The following TMPRSS6 variants were observed in gnomAD, a reference collection of about 807,000 sequenced individuals.
TMPRSS6 encodes transmembrane protease serine 6.
Under a neutral mutation model 101.5 loss-of-function variants are expected in TMPRSS6, and 67 were observed. The observed-to-expected ratio is 0.66, with a 90% CI of 0.54 to 0.81. The LOEUF is 0.81. Among genes scored for constraint, TMPRSS6 ranks in the 30% least tolerant of loss-of-function variants. The pLI is 0.00. For missense variants in TMPRSS6, 1,034 were observed against 1,088.7 expected, an observed-to-expected ratio of 0.95 and a Z score of 0.71; for synonymous variants, 453 against 464.9, an observed-to-expected ratio of 0.97 and a Z score of 0.33.
chr22:37,072,233 TG>T (rs1927036066), intron 13 of TMPRSS6, among the ~76,000 whole-genome samples: 1 of 58,556 alleles, frequency 1.7e-5, no homozygotes, highest in African/African-American at 1.1e-4. Context: ...GATGGATGGA[TG>T]ATGGATGGAT....
intron 13 of TMPRSS6, among the ~76,000 whole-genome samples, chr22:37,073,327 A>G (rs1475833643): frequency 6.9e-6 from 1 of 144,768 alleles, no homozygotes; most frequent in South Asian, 2.3e-4. Context: ...CAATGGACAG[A>G]CGGTGATTGG....
In TMPRSS6 at chr22:37,089,736, C is replaced by T; in HGVS notation, c.678G>A (p.Leu226=). ...TGGAGGCCAGGTGGTCAGGCCCCTT[C>T]AGCCGGAGGACCTGGCCCTGGCCCA... ...SYVGQGQVLR[L]KGPDHLASSC... is the part of the protein sequence containing the mutation. Residue 226 remains leucine, a synonymous_variant, in exon 7 of 18, where the codon CTG becomes CTA. Transcript: ENST00000676104. 2 of 1,612,632 alleles carry T rather than the reference C, an allele frequency of 1.2e-6. No homozygotes were observed. Among genetic ancestry groups the T allele is most frequent in the South Asian group, 1.1e-5 (1 of 90,810 alleles).
intron 6 of TMPRSS6, among the ~76,000 whole-genome samples, chr22:37,093,886 G>A (rs531283627): frequency 6.6e-6 from 1 of 151,922 alleles, no homozygotes; most frequent in Admixed American, 6.6e-5. Flanking sequence ...AGCCAGGCAT[G>A]GTGGCAGGCA....
At chr22:37,090,633 T>C (rs566974868) in intron 6 of TMPRSS6, among the ~76,000 whole-genome samples, 1 of 152,350 alleles carries the variant, frequency 6.6e-6, no homozygotes, top group East Asian at 1.9e-4. Context: ...ATACTTTCAA[T>C]GATTGTGTCC....
At chr22:37,100,705 C>A (rs530715346) in intron 2 of TMPRSS6, among the ~76,000 whole-genome samples, 3 of 152,172 alleles carry the variant, frequency 2.0e-5, no homozygotes, top group Non-Finnish European at 4.4e-5. Context: ...GCTCTAGAGA[C>A]AAGCTCAAGG....
intron 7 of TMPRSS6, 32 bp downstream of exon 7, chr22:37,089,546 C>T (rs745861766): frequency 1.5e-6 from 2 of 1,306,250 alleles, no homozygotes; most frequent in Non-Finnish European, 1.1e-6. Flanking sequence ...CTTTTCCAGC[C>T]CTCCCTCCTG....
chr22:37,105,143 C>G (rs1178556120), intron 1 of TMPRSS6, among the ~76,000 whole-genome samples: 2 of 152,102 alleles, frequency 1.3e-5, no homozygotes, highest in Non-Finnish European at 2.9e-5. Context: ...CTGGCTCCCT[C>G]CAGCTCCCCT....
chr22:37,070,722 G>C, intron 14 of TMPRSS6, 70 bp from the exon 15 acceptor site: 1 of 1,534,998 alleles, frequency 6.5e-7, no homozygotes, highest in Non-Finnish European at 9.0e-7. Flanking sequence ...AGAGAGGAAG[G>C]GCAAAGGAAA....
chr22:37,103,474 T>C lies in TMPRSS6; in HGVS notation c.-1-56A>G. The C allele has an allele frequency of 1.2e-6, 2 of 1,614,238 alleles. No homozygotes were observed. The highest frequency in any genetic ancestry group is 1.7e-6 in the Non-Finnish European group (2 of 1,180,050). ...AGCCTCGCATTTGCAAGGGAGCCTC[T>C]GCTGAGCACCGGTGGGGCACGGAAG... On this transcript the variant is annotated intron_variant, in intron 1 of 17. Transcript: ENST00000676104. This position sits in a 1 kb window ranked among gnomAD's most constrained non-coding sequence, Gnocchi z 4.4.
In TMPRSS6 at chr22:37,098,427, C is replaced by T. The variant is rs371868086; in HGVS notation, c.325G>A (p.Ala109Thr). The change falls in exon 3 of 18, where the codon GCC (alanine) becomes ACC (threonine). Residue 109 changes from alanine to threonine, a missense_variant. Ala to Thr is a moderately conservative substitution (Grantham distance 58). Coordinates refer to ENST00000676104, the MANE Select transcript of TMPRSS6 (RefSeq NM_001374504.1). ...AGATCCTTTCCTACCATCTTCTGGGCTTTGGCGGTTTCACTGCGGAAGGCA... is the reference window on the plus strand; with the variant it reads ...AGATCCTTTCCTACCATCTTCTGGGTTTTGGCGGTTTCACTGCGGAAGGCA... ...SSAFRSETAK[A>T]QKMLKELITS... 6.2e-7 allele frequency: 1 copy of T among 1,613,860 alleles called. No individual in the cohort carries two copies. Among genetic ancestry groups the T allele is most frequent in the South Asian group, 1.1e-5 (1 of 91,062 alleles).
intron 7 of TMPRSS6, among the ~76,000 whole-genome samples, chr22:37,086,929 C>T (rs1437617422): frequency 6.6e-6 from 1 of 152,128 alleles, no homozygotes. Flanking sequence ...CTGGGAGGCT[C>T]GGAACAAATA....
intron 12 of TMPRSS6, 78 bp downstream of exon 12, chr22:37,074,532 A>G (rs1927433622): frequency 1.5e-6 from 2 of 1,366,670 alleles, no homozygotes; most frequent in Admixed American, 1.8e-5. Flanking sequence ...TGGGGTCTCC[A>G]CTCAGCTCAG....
chr22:37,087,102 C>T (rs938933810), intron 7 of TMPRSS6, among the ~76,000 whole-genome samples: 5 of 152,150 alleles, frequency 3.3e-5, no homozygotes, highest in Admixed American at 6.5e-5. Flanking sequence ...TCTGTGATGG[C>T]TGGTACCCTC....
chr22:37,089,888 C>T (rs1320126615), intron 6 of TMPRSS6, 106 bp from the exon 7 acceptor site: 1 of 1,174,782 alleles, frequency 8.5e-7, no homozygotes. Context: ...ATGGGCTGGG[C>T]AGGGGAGCCG....
In TMPRSS6 at chr22:37,094,052, G is replaced by A. The variant is rs115635497; in HGVS notation, c.631+1499C>T. On this transcript the variant is annotated intron_variant, in intron 6 of 17. Transcript: ENST00000676104. ...ATATATATGTCATTCTTGGCTCATG[G>A]GCTATACAAAATCAGGCAGCAATTG... Among the ~76,000 whole-genome samples, 313 of 151,964 alleles carry A rather than the reference G, an allele frequency of 2.1e-3. 1 individual carries two copies. Among genetic ancestry groups the A allele is most frequent in the African/African-American group, 6.8e-3 (282 of 41,402 alleles).
intron 2 of TMPRSS6, 65 bp from the exon 3 acceptor site, chr22:37,098,614 A>C: frequency 1.2e-6 from 2 of 1,612,164 alleles, no homozygotes; most frequent in Non-Finnish European, 1.7e-6. Context: ...TGTCTCTTCC[A>C]TGCCTTCTCC....
At chr22:37,071,367 A>G (rs1216915214) in intron 13 of TMPRSS6, among the ~76,000 whole-genome samples, 1 of 152,066 alleles carries the variant, frequency 6.6e-6, no homozygotes, top group Non-Finnish European at 1.5e-5. Context: ...TAGCCTGGCA[A>G]TCTCCCAGGC....
intron 10 of TMPRSS6, chr22:37,082,366 C>G (rs1472329266): frequency 6.5e-6 from 1 of 154,242 alleles, no homozygotes; most frequent in Non-Finnish European, 1.4e-5. Flanking sequence ...AGGGATGAGA[C>G]AGGGAGTGTC....
At chr22:37,071,538 G>A (rs1055605686) in intron 13 of TMPRSS6, among the ~76,000 whole-genome samples, 1 of 152,332 alleles carries the variant, frequency 6.6e-6, no homozygotes, top group African/African-American at 2.4e-5. Flanking sequence ...AGCTTTTCAT[G>A]TCTGACCTCC....
Sources: gnomAD v4.1 joint callset for allele counts (sites outside exome capture counted in the v4.1 genomes callset) on GRCh38, gnomAD v4.1.1 for gene constraint, Gnocchi (gnomAD v3.1) non-coding constraint, MANE v1.5 for transcripts, NCBI Gene and HGNC (gene_info 2026-07-23, HGNC 2026-07-21) for gene names.